C8orf34: variants seen among roughly 807,000 people sequenced by gnomAD.
C8orf34 encodes uncharacterized protein C8orf34.
A neutral mutation model predicts 68.3 loss-of-function variants in C8orf34; 65 were observed. The ratio of observed to expected loss-of-function variants is 0.95; its 90% CI spans 0.78 to 1.17. C8orf34 has a LOEUF of 1.17. Ranked by LOEUF, C8orf34 falls within the 50% of genes most tolerant of loss-of-function variation. C8orf34 has a pLI of 0.00. For synonymous variants in C8orf34, 244 were observed against 241.2 expected, an observed-to-expected ratio of 1.01 and a Z score of -0.11; for missense variants, 664 against 655.4, an observed-to-expected ratio of 1.01 and a Z score of -0.14.
intron 8 of C8orf34, among the ~76,000 whole-genome samples, chr8:68,651,536 A>G (rs1194470564): frequency 6.6e-6 from 1 of 152,236 alleles, no homozygotes; most frequent in Non-Finnish European, 1.5e-5. Context: ...GCATCCTACA[A>G]TTAGGGAATG....
intron 6 of C8orf34, among the ~76,000 whole-genome samples, chr8:68,527,216 C>T (rs1270836315): frequency 6.6e-6 from 1 of 152,056 alleles, no homozygotes; most frequent in African/African-American, 2.4e-5. Flanking sequence ...ATATTAATTA[C>T]CACTTAGAGG....
intron 1 of C8orf34, 74 bp from the exon 2 acceptor site, chr8:68,439,425 C>T (rs1024353291): frequency 9.9e-6 from 14 of 1,413,806 alleles, no homozygotes; most frequent in African/African-American, 1.4e-5. Context: ...GACAATATTA[C>T]ATGCTAAGTA....
intron 7 of C8orf34, among the ~76,000 whole-genome samples, chr8:68,571,395 G>C (rs1213223923): frequency 6.6e-6 from 1 of 152,186 alleles, no homozygotes; most frequent in Non-Finnish European, 1.5e-5. Context: ...CAGTCTTCTT[G>C]CTCCAAAGTT....
intron 1 of C8orf34, among the ~76,000 whole-genome samples, chr8:68,434,421 G>A (rs988484186): frequency 1.3e-5 from 2 of 152,074 alleles, no homozygotes; most frequent in East Asian, 3.9e-4. Context: ...CTGTTCCTGT[G>A]TTAGTTTGCT....
intron 7 of C8orf34, chr8:68,534,950 G>A (rs1815399799): frequency 1.0e-6 from 1 of 985,366 alleles, no homozygotes. Flanking sequence ...TGTGGTCTGA[G>A]CAAGTTTAAT....
chr8:68,342,786 T>C (rs1806125525), intron 1 of C8orf34, among the ~76,000 whole-genome samples: 1 of 152,250 alleles, frequency 6.6e-6, no homozygotes, highest in East Asian at 1.9e-4. Context: ...CAGGTACCCC[T>C]TATTTGACTT....
In C8orf34 at chr8:68,663,298, A is replaced by T. The variant is rs6991955; in HGVS notation, c.1241+22787A>T. Among the ~76,000 whole-genome samples, 1,272 of 152,318 alleles carry T rather than the reference A, an allele frequency of 8.4e-3. 17 individuals are homozygous for T. Among genetic ancestry groups the T allele is most frequent in the African/African-American group, 0.027 (1,136 of 41,570 alleles). ...ATCTGCTCAAGTGATTTGCTCATTT[A>T]TCTGGGTTAGCTCCCATTTATACAG... On this transcript the variant is annotated intron_variant, in intron 8 of 13. Transcript: ENST00000518698.
chr8:68,334,417 A>G (rs866598927), intron 1 of C8orf34, among the ~76,000 whole-genome samples: 62 of 151,440 alleles, frequency 4.1e-4, no homozygotes, highest in African/African-American at 1.3e-3. Context: ...ATCTTACAAG[A>G]TAAATATTTG....
At chr8:68,636,807 C>T (rs1227520951) in intron 7 of C8orf34, among the ~76,000 whole-genome samples, 2 of 152,094 alleles carry the variant, frequency 1.3e-5, no homozygotes, top group Non-Finnish European at 2.9e-5. Context: ...TGGCCACATA[C>T]AAGCATTTAA....
intron 6 of C8orf34, among the ~76,000 whole-genome samples, chr8:68,532,106 A>ATG (rs1563512238): frequency 2.6e-5 from 4 of 151,894 alleles, no homozygotes; most frequent in Admixed American, 2.0e-4. Flanking sequence ...TGCTAGGAGA[A>ATG]CTGAGTGGCG....
At chr8:68,353,003 A>G (rs1806578660) in intron 1 of C8orf34, among the ~76,000 whole-genome samples, 1 of 152,142 alleles carries the variant, frequency 6.6e-6, no homozygotes, top group Non-Finnish European at 1.5e-5. Flanking sequence ...CTCTTGCAAC[A>G]TAATGAAGTA....
intron 7 of C8orf34, among the ~76,000 whole-genome samples, chr8:68,628,990 A>G (rs1041859536): frequency 9.2e-5 from 14 of 152,322 alleles, no homozygotes; most frequent in South Asian, 8.3e-4. Context: ...TTTAAAGGGT[A>G]TGTTTAAAAA....
At chr8:68,536,797 C>A (rs1815495668) in intron 7 of C8orf34, among the ~76,000 whole-genome samples, 1 of 152,072 alleles carries the variant, frequency 6.6e-6, no homozygotes, top group African/African-American at 2.4e-5. Flanking sequence ...ACTTTTTGGT[C>A]TTAGCCTATA....
chr8:68,369,134 A>C (rs1300710759), intron 1 of C8orf34, among the ~76,000 whole-genome samples: 1 of 152,202 alleles, frequency 6.6e-6, no homozygotes, highest in Non-Finnish European at 1.5e-5. Flanking sequence ...AAATATTTTT[A>C]TCCTTTATGC....
chr8:68,801,916 A>C (rs913198766), intron 12 of C8orf34, among the ~76,000 whole-genome samples: 1 of 151,770 alleles, frequency 6.6e-6, no homozygotes, highest in Non-Finnish European at 1.5e-5. Flanking sequence ...AAAGATTCTC[A>C]TGTGCATTCT....
At chr8:68,735,336 TTCAAAC>T (rs1217372736) in intron 10 of C8orf34, among the ~76,000 whole-genome samples, 10 of 152,226 alleles carry the variant, frequency 6.6e-5, no homozygotes, top group Non-Finnish European at 1.5e-4. Context: ...AAATTACCCA[TTCAAAC>T]TGTTCTGAAA....
At chr8:68,446,518 A>G (rs763409515) in intron 3 of C8orf34, 58 bp downstream of exon 3, 7 of 1,541,916 alleles carry the variant, frequency 4.5e-6, no homozygotes, top group Non-Finnish European at 4.4e-6. Context: ...GTTGTTAAGA[A>G]AATGAAGAAA....
chr8:68,646,746 T>C (rs1819185760), intron 8 of C8orf34, among the ~76,000 whole-genome samples: 1 of 152,224 alleles, frequency 6.6e-6, no homozygotes, highest in African/African-American at 2.4e-5. Context: ...CCTGCTTATT[T>C]ATTTCAGCAT....
At chr8:68,768,832 A>G (rs560871105) in intron 10 of C8orf34, among the ~76,000 whole-genome samples, 12 of 151,666 alleles carry the variant, frequency 7.9e-5, no homozygotes, top group South Asian at 2.1e-4. Context: ...ACCAGTTCCC[A>G]TACCTAGGCA....
Sources: allele counts gnomAD v4.1 joint callset (sites outside exome capture counted in the v4.1 genomes callset), GRCh38; gene constraint gnomAD v4.1.1; transcripts MANE v1.5; gene names NCBI Gene and HGNC (gene_info 2026-07-23, HGNC 2026-07-21).